CACNB2: variants seen among roughly 807,000 people sequenced by gnomAD.
The protein encoded by CACNB2 is calcium voltage-gated channel auxiliary subunit beta 2.
CACNB2 carries 42 observed loss-of-function variants against 73.3 expected under a neutral mutation model. The ratio of observed to expected loss-of-function variants is 0.57; its 90% CI spans 0.45 to 0.74. The LOEUF is 0.74. CACNB2 is among the 30% of genes least tolerant of loss of function. The probability of loss-of-function intolerance (pLI) is 0.00; values close to 1 mark genes in which losing one functional copy is unlikely to be tolerated. For missense variants in CACNB2, 940 were observed against 853.0 expected, an observed-to-expected ratio of 1.10 and a Z score of -1.27; for synonymous variants, 348 against 310.3, an observed-to-expected ratio of 1.12 and a Z score of -1.28.
chr10:18,280,614 A>G (rs2038500746), intron 2 of CACNB2, among the ~76,000 whole-genome samples: 1 of 152,166 alleles, frequency 6.6e-6, no homozygotes, highest in Admixed American at 6.5e-5. Flanking sequence ...TGGGCTTTTG[A>G]ACAGTACACA....
At chr10:18,466,936 C>G (rs1003827016) in intron 3 of CACNB2, among the ~76,000 whole-genome samples, 29 of 152,170 alleles carry the variant, frequency 1.9e-4, no homozygotes, top group African/African-American at 5.5e-4. Context: ...GGGCGGTTCA[C>G]TTGAGGTCAG....
intron 2 of CACNB2, among the ~76,000 whole-genome samples, chr10:18,329,134 C>T (rs576447921): frequency 1.3e-5 from 2 of 152,220 alleles, no homozygotes; most frequent in African/African-American, 4.8e-5. Context: ...TCTTTTTATT[C>T]TTAATTGCCT....
intron 2 of CACNB2, among the ~76,000 whole-genome samples, chr10:18,259,557 A>C (rs1295899385): frequency 7.6e-6 from 1 of 131,592 alleles, no homozygotes; most frequent in Non-Finnish European, 1.6e-5. Flanking sequence ...AAAAAACAAA[A>C]AACAAACAAA....
chr10:18,472,417 A>T (rs1589455599), intron 3 of CACNB2, among the ~76,000 whole-genome samples: 1 of 151,846 alleles, frequency 6.6e-6, no homozygotes, highest in South Asian at 2.1e-4. Flanking sequence ...TTGTATTTTT[A>T]GTACAGATGG....
rs559235215 is a variant in CACNB2, at chr10:18,392,556, G to A, written c.214-9368G>A. ...TCTATGCATTATTTTTTCTGCAAAG[G>A]AGAGGGGAAAACTGGACAAGAGCTG... On this transcript the variant is annotated intron_variant, in intron 2 of 13. Coordinates refer to ENST00000324631, the MANE Select transcript of CACNB2 (RefSeq NM_201596.3). Among the ~76,000 whole-genome samples, 132 of 152,280 alleles carry A rather than the reference G, an allele frequency of 8.7e-4. No homozygotes were observed. In the Middle Eastern group the frequency reaches 0.01, roughly 12 times the overall value.
At chr10:18,341,970 ATTTCTT>A (rs1165497871) in intron 2 of CACNB2, among the ~76,000 whole-genome samples, 1 of 152,062 alleles carries the variant, frequency 6.6e-6, no homozygotes, top group Non-Finnish European at 1.5e-5. Context: ...TGACAATTCT[ATTTCTT>A]TAGGTTCTGA....
chr10:18,295,870 C>A (rs770827262), intron 2 of CACNB2, among the ~76,000 whole-genome samples: 4 of 152,074 alleles, frequency 2.6e-5, no homozygotes, highest in Non-Finnish European at 4.4e-5. Flanking sequence ...GACATTGACT[C>A]ATTTTTGAAG....
At chr10:18,199,462 A>G (rs1399927933) in intron 2 of CACNB2, among the ~76,000 whole-genome samples, 2 of 152,148 alleles carry the variant, frequency 1.3e-5, no homozygotes, top group East Asian at 3.9e-4. Flanking sequence ...CCGAGATGAC[A>G]TGGGGCAGAT....
chr10:18,522,491 C>T (rs183860400), intron 9 of CACNB2, among the ~76,000 whole-genome samples: 1 of 152,198 alleles, frequency 6.6e-6, no homozygotes, highest in African/African-American at 2.4e-5. Flanking sequence ...CTAGACCACA[C>T]CTACTACTAC....
intron 2 of CACNB2, among the ~76,000 whole-genome samples, chr10:18,346,611 G>A (rs933603314): frequency 1.1e-4 from 16 of 151,762 alleles, no homozygotes; most frequent in Non-Finnish European, 1.2e-4. Flanking sequence ...AGGGGAGCTC[G>A]GGGGGCACAG....
chr10:18,514,635 C>T, intron 7 of CACNB2: 4 of 1,344,698 alleles, frequency 3.0e-6, no homozygotes, highest in African/African-American at 1.4e-5. Context: ...AAGCAAAGAA[C>T]CTATCAACAG....
At chr10:18,386,458 A>T (rs1196817435) in intron 2 of CACNB2, among the ~76,000 whole-genome samples, 1 of 129,572 alleles carries the variant, frequency 7.7e-6, no homozygotes, top group African/African-American at 3.0e-5. Context: ...GCTGGAGTGC[A>T]GTGGCGCCAT....
intron 2 of CACNB2, among the ~76,000 whole-genome samples, chr10:18,334,740 C>A (rs556071548): frequency 6.6e-6 from 1 of 152,052 alleles, no homozygotes; most frequent in Non-Finnish European, 1.5e-5. Flanking sequence ...CCCAATGTCC[C>A]CTGAGGGGTC....
intron 10 of CACNB2, among the ~76,000 whole-genome samples, chr10:18,530,627 A>T (rs1383518913): frequency 2.0e-5 from 3 of 152,168 alleles, no homozygotes; most frequent in Non-Finnish European, 2.9e-5. Context: ...AGTGAAAAAC[A>T]GAATGGTTGT....
chr10:18,464,448 G>T (rs73605725), intron 3 of CACNB2, among the ~76,000 whole-genome samples: 13,406 of 94,310 alleles, frequency 0.14, 1,946 homozygotes, highest in African/African-American at 0.37. Flanking sequence ...AAAGAATTTG[G>T]CTCTTTTCTC....
intron 2 of CACNB2, among the ~76,000 whole-genome samples, chr10:18,290,417 C>G (rs888192011): frequency 1.1e-4 from 17 of 152,046 alleles, no homozygotes; most frequent in African/African-American, 3.9e-4. Context: ...ATAATAGAAG[C>G]TCAAGAAAAG....
chr10:18,432,811 G>A (rs1315878937), intron 3 of CACNB2, among the ~76,000 whole-genome samples: 1 of 150,736 alleles, frequency 6.6e-6, no homozygotes, highest in East Asian at 2.0e-4. Context: ...CTCTACCAGG[G>A]TGACAGAGTC....
chr10:18,313,503 T>G (rs1298123176), intron 2 of CACNB2, among the ~76,000 whole-genome samples: 1 of 152,062 alleles, frequency 6.6e-6, no homozygotes, highest in Non-Finnish European at 1.5e-5. Flanking sequence ...TTTTTAAATC[T>G]GTTTTCCTAT....
chr10:18,491,819 TAAAAAAAA>T (rs68179779), intron 3 of CACNB2, among the ~76,000 whole-genome samples: 38 of 65,598 alleles, frequency 5.8e-4, no homozygotes, highest in South Asian at 1.2e-3. Context: ...TCAAGTTGGT[TAAAAAAAA>T]AAAAAAAAAA....
Sources: gnomAD v4.1 joint callset for allele counts (sites outside exome capture counted in the v4.1 genomes callset) on GRCh38, gnomAD v4.1.1 for gene constraint, MANE v1.5 for transcripts, NCBI Gene and HGNC (gene_info 2026-07-23, HGNC 2026-07-21) for gene names.